The following BCL2L1 variants were observed in gnomAD, a reference collection of about 807,000 sequenced individuals.
BCL2L1 encodes the protein BCL2 like 1.
BCL2L1 carries 1 observed loss-of-function variant against 18.7 expected under a neutral mutation model. The observed-to-expected ratio is 0.05, with a 90% CI of 0.02 to 0.25. BCL2L1 has a LOEUF of 0.25. Ranked by LOEUF, BCL2L1 falls within the 10% of genes least tolerant of loss-of-function variation. BCL2L1 has a pLI of 1.00. For missense variants in BCL2L1, 207 were observed against 304.9 expected (o/e 0.68, Z 2.39); for synonymous variants, 103 against 122.7 (o/e 0.84, Z 1.06).
At chr20:31,686,226 GA>G (rs1010771047) in intron 2 of BCL2L1, 14 of 152,220 alleles carry the variant, frequency 9.2e-5, no homozygotes, top group African/African-American at 3.4e-4. Flanking sequence ...TCACAAAGGT[GA>G]ATTCACTTGC....
intron 2 of BCL2L1, among the ~76,000 whole-genome samples, chr20:31,704,500 G>A (rs895613499): frequency 6.6e-6 from 1 of 152,190 alleles, no homozygotes; most frequent in African/African-American, 2.4e-5. Flanking sequence ...AGGCTGCCAT[G>A]AACTGGTTGC....
At chr20:31,718,610 G>A (rs950426330) in intron 2 of BCL2L1, among the ~76,000 whole-genome samples, 30 of 150,430 alleles carry the variant, frequency 2.0e-4, no homozygotes, top group African/African-American at 7.1e-4. Context: ...AGCTGAGATC[G>A]CGCCACTGCA....
intron 2 of BCL2L1, among the ~76,000 whole-genome samples, chr20:31,716,976 A>C (rs1391696239): frequency 6.6e-6 from 1 of 152,166 alleles, no homozygotes; most frequent in Admixed American, 6.6e-5. Flanking sequence ...GGGGCAGAAG[A>C]GAAGAGGATC....
intron 2 of BCL2L1, among the ~76,000 whole-genome samples, chr20:31,694,638 G>A (rs2061137792): frequency 6.6e-6 from 1 of 152,102 alleles, no homozygotes; most frequent in South Asian, 2.1e-4. Context: ...AACTCTTACT[G>A]AAGGTTTACC....
chr20:31,719,043 G>A (rs1396635246), intron 2 of BCL2L1, among the ~76,000 whole-genome samples: 1 of 152,160 alleles, frequency 6.6e-6, no homozygotes, highest in African/African-American at 2.4e-5. Context: ...CAGTCACTTA[G>A]GCACAAAGAC....
In BCL2L1 at chr20:31,707,954, G is replaced by T. The variant is rs114799921; in HGVS notation, c.564+13701C>A. Among the ~76,000 whole-genome samples the T allele has an allele frequency of 8.0e-3, 1,217 of 152,190 alleles. 18 individuals are homozygous for T. The highest frequency in any genetic ancestry group is 0.028 in the African/African-American group (1,161 of 41,514). ...AATTTCGTACCTGACTCTTAACAAC[G>T]ATGGAATTTCTCCCAAGGAGGCAAG... On this transcript the variant is annotated intron_variant, in intron 2 of 2. Transcript: ENST00000307677.
rs187247358 is a variant in BCL2L1, at chr20:31,676,034, C to T, written c.565-9948G>A. 2.6e-5 allele frequency among the ~76,000 whole-genome samples: 4 copies of T among 152,260 alleles called. No individual in the cohort carries two copies. The East Asian group carries it at 5.8e-4, about 22-fold the overall frequency. On this transcript the variant is annotated intron_variant, in intron 2 of 2. Coordinates refer to ENST00000307677, the MANE Select transcript of BCL2L1 (RefSeq NM_138578.3). Reference sequence around the variant, plus strand: ...TTGTGCCGGGAGGAGATAACACCTCCGCTGGGGAATCGAGAAAGCTATCAG... The same window carrying T: ...TTGTGCCGGGAGGAGATAACACCTCTGCTGGGGAATCGAGAAAGCTATCAG...
chr20:31,680,972 G>A (rs1228276009), intron 2 of BCL2L1, among the ~76,000 whole-genome samples: 1 of 152,224 alleles, frequency 6.6e-6, no homozygotes, highest in Non-Finnish European at 1.5e-5. Flanking sequence ...GCAAAGATCT[G>A]AGAAAAGGCT....
chr20:31,688,607 C>T (rs866930423), intron 2 of BCL2L1, among the ~76,000 whole-genome samples: 10 of 152,168 alleles, frequency 6.6e-5, no homozygotes, highest in African/African-American at 2.4e-4. Flanking sequence ...GGCTAACTAA[C>T]CCTATTAAAA....
chr20:31,706,733 A>T (rs1487530742), intron 2 of BCL2L1, among the ~76,000 whole-genome samples: 2 of 152,264 alleles, frequency 1.3e-5, no homozygotes, highest in Non-Finnish European at 2.9e-5. Context: ...TGAATGAATG[A>T]ATGAATGACA....
At chr20:31,698,037 G>A (rs893636127) in intron 2 of BCL2L1, among the ~76,000 whole-genome samples, 19 of 152,040 alleles carry the variant, frequency 1.2e-4, no homozygotes, top group African/African-American at 4.1e-4. Flanking sequence ...ATAGGCACAC[G>A]CCATCATGCC....
chr20:31,684,214 C>T (rs999891023), intron 2 of BCL2L1, among the ~76,000 whole-genome samples: 7 of 152,102 alleles, frequency 4.6e-5, no homozygotes, highest in African/African-American at 1.7e-4. Flanking sequence ...TAGGTTGGAC[C>T]AAAAGAACCT....
At chr20:31,705,320 T>C (rs1328084138) in intron 2 of BCL2L1, among the ~76,000 whole-genome samples, 2 of 152,202 alleles carry the variant, frequency 1.3e-5, no homozygotes, top group Non-Finnish European at 2.9e-5. Context: ...ACATACATTC[T>C]TACAAAAGGC....
chr20:31,691,594 G>A (rs1006690330), intron 2 of BCL2L1, among the ~76,000 whole-genome samples: 17 of 151,242 alleles, frequency 1.1e-4, no homozygotes, highest in African/African-American at 3.2e-4. Flanking sequence ...GGCGCCCGGC[G>A]AACAAATTAA....
At chr20:31,680,341 G>A (rs1372692923) in intron 2 of BCL2L1, among the ~76,000 whole-genome samples, 2 of 152,098 alleles carry the variant, frequency 1.3e-5, no homozygotes, top group Admixed American at 6.6e-5. Flanking sequence ...TTAGGCCTTC[G>A]AAGTCAGAGA....
At chr20:31,698,361 G>C (rs946608773) in intron 2 of BCL2L1, among the ~76,000 whole-genome samples, 12 of 152,118 alleles carry the variant, frequency 7.9e-5, no homozygotes, top group African/African-American at 2.9e-4. Context: ...TCCCACCTTA[G>C]CCTCCTGAGT....
At position 31,721,145 on chromosome 20, in the gene BCL2L1, G is replaced by A. The variant is rs182667688; in HGVS notation, c.564+510C>T. On this transcript the variant is annotated intron_variant, in intron 2 of 2. Transcript: ENST00000307677. ...CCATGCCCTAGTCTGAGAGGAGAGT[G>A]CCATACACGCAAACTTTGAAATAAA... Among the ~76,000 whole-genome samples, 439 of 152,330 alleles carry A rather than the reference G, an allele frequency of 2.9e-3. 5 individuals are homozygous for A. The highest frequency in any genetic ancestry group is 0.01 in the African/African-American group (421 of 41,580).
In BCL2L1 at chr20:31,722,061, C is replaced by A; in HGVS notation, c.158G>T (p.Gly53Val). ...GTCTGCCAGGTGCCAGGATGGGTTG[C>A]CATTGATGGCACTGGGGGTCTCCAT... The part of the protein sequence containing the change: ...SEMETPSAIN[G>V]NPSWHLADSP... Residue 53 changes from glycine to valine, a missense_variant, in exon 2 of 3, where the codon GGC becomes GTC. Transcript: ENST00000307677. 6.2e-7 allele frequency: 1 copy of A among 1,602,594 alleles called. No individual in the cohort carries two copies. Among genetic ancestry groups the A allele is most frequent in the Non-Finnish European group, 8.5e-7 (1 of 1,173,776 alleles).
chr20:31,703,494 T>G (rs960686610), intron 2 of BCL2L1, among the ~76,000 whole-genome samples: 4 of 75,546 alleles, frequency 5.3e-5, no homozygotes, highest in African/African-American at 4.5e-4. Flanking sequence ...TTGGTGGTTG[T>G]TTTTTTTTTT....
Sources: gnomAD v4.1 joint callset for allele counts (sites outside exome capture counted in the v4.1 genomes callset) on GRCh38, gnomAD v4.1.1 for gene constraint, MANE v1.5 for transcripts, NCBI Gene and HGNC (gene_info 2026-07-23, HGNC 2026-07-21) for gene names.